STOX1: variants seen among roughly 807,000 people sequenced by gnomAD.
The protein encoded by STOX1 is storkhead box 1, also known as storkhead-box protein 1.
In STOX1, 57 loss-of-function variants were observed where a neutral mutation model predicts 74.8. The observed-to-expected ratio is 0.76, with a 90% CI of 0.62 to 0.95. The LOEUF (loss-of-function observed/expected upper bound fraction) is 0.95. Ranked by LOEUF, STOX1 falls within the 40% of genes least tolerant of loss-of-function variation. The pLI, the probability that STOX1 is intolerant of heterozygous loss-of-function variation, is 0.00. For missense variants in STOX1, 1,010 were observed against 1,117.0 expected (o/e 0.90, Z 1.37); for synonymous variants, 375 against 401.3 (o/e 0.93, Z 0.78).
intron 1 of STOX1, among the ~76,000 whole-genome samples, chr10:68,852,549 C>T (rs190466848): frequency 8.6e-5 from 13 of 151,616 alleles, no homozygotes; most frequent in African/African-American, 2.2e-4. Flanking sequence ...TGAGCCACCG[C>T]GCCTGGCCCT....
At chr10:68,869,635 A>C (rs1840491434) in intron 1 of STOX1, among the ~76,000 whole-genome samples, 1 of 152,168 alleles carries the variant, frequency 6.6e-6, no homozygotes. Flanking sequence ...GAATGGAGGG[A>C]AGTCACAGCT....
At chr10:68,832,877 C>T (rs1589213418) in intron 1 of STOX1, among the ~76,000 whole-genome samples, 1 of 151,936 alleles carries the variant, frequency 6.6e-6, no homozygotes, top group African/African-American at 2.4e-5. Context: ...GATCGTCCTA[C>T]CTCAGCCTCT....
At chr10:68,894,749 A>C (rs1329163205), downstream of STOX1, among the ~76,000 whole-genome samples, 6 of 152,162 alleles carry the variant, frequency 3.9e-5, no homozygotes, top group Admixed American at 1.3e-4. Flanking sequence ...AATTTTTTTG[A>C]GACGGGGTCT....
At chr10:68,834,004 C>CT (rs1839478959) in intron 1 of STOX1, among the ~76,000 whole-genome samples, 1 of 152,176 alleles carries the variant, frequency 6.6e-6, no homozygotes, top group South Asian at 2.1e-4. Context: ...ACACAATCTT[C>CT]TCCATCCCAC....
intron 1 of STOX1, among the ~76,000 whole-genome samples, chr10:68,865,649 G>A (rs754056875): frequency 1.4e-4 from 21 of 151,956 alleles, no homozygotes; most frequent in South Asian, 1.0e-3. Context: ...ACTCCATCTC[G>A]AAACAAAAAA....
At chr10:68,841,296 G>C (rs2133507098) in intron 1 of STOX1, among the ~76,000 whole-genome samples, 2 of 152,090 alleles carry the variant, frequency 1.3e-5, no homozygotes, top group Middle Eastern at 6.8e-3. Flanking sequence ...ATTTTAATTT[G>C]AGTTTCACTT....
intron 1 of STOX1, among the ~76,000 whole-genome samples, chr10:68,879,723 A>G (rs529744832): frequency 6.6e-6 from 1 of 152,286 alleles, no homozygotes; most frequent in African/African-American, 2.4e-5. Context: ...GTGGTTTCCA[A>G]CTGGGATGAC....
At chr10:68,881,439 A>G (rs1453980833) in intron 1 of STOX1, among the ~76,000 whole-genome samples, 1 of 152,248 alleles carries the variant, frequency 6.6e-6, no homozygotes, top group East Asian at 1.9e-4. Flanking sequence ...CATCCCAATC[A>G]GGAAAATGTG....
intron 1 of STOX1, among the ~76,000 whole-genome samples, chr10:68,880,623 G>A (rs1738106033): frequency 6.6e-6 from 1 of 150,634 alleles, no homozygotes; most frequent in South Asian, 2.1e-4. Flanking sequence ...CTTTTGGTAT[G>A]TGCCAAGAGG....
At chr10:68,834,974 T>C (rs1322010055) in intron 1 of STOX1, among the ~76,000 whole-genome samples, 2 of 152,112 alleles carry the variant, frequency 1.3e-5, no homozygotes, top group African/African-American at 4.8e-5. Flanking sequence ...TCCATCTGCG[T>C]TGGCCTCCCA....
chr10:68,888,802 ATTTTTTTTTTT>A (rs35174437), intron 3 of STOX1, among the ~76,000 whole-genome samples: 74 of 32,062 alleles, frequency 2.3e-3, no homozygotes, highest in South Asian at 0.012. Flanking sequence ...TGCCCAGCTA[ATTTTTTTTTTT>A]TTTTTTTTTT....
At chr10:68,833,132 C>T (rs1001486932) in intron 1 of STOX1, among the ~76,000 whole-genome samples, 2 of 140,702 alleles carry the variant, frequency 1.4e-5, no homozygotes, top group African/African-American at 5.4e-5. Context: ...GTCGCCCAGG[C>T]TGGAGTGCAG....
chr10:68,884,460 G>T lies in STOX1; in HGVS notation c.664G>T (p.Val222Leu). 2 of 1,613,844 alleles carry T rather than the reference G, an allele frequency of 1.2e-6. No homozygotes were observed. The highest frequency in any genetic ancestry group is 1.7e-6 in the Non-Finnish European group (2 of 1,180,020). Residue 222 changes from valine to leucine, a missense_variant, in exon 3 of 4, where the codon GTG becomes TTG. Transcript: ENST00000298596. ...GATGCCAGCTTCCATGACATATCTG[G>T]TGAGCATGGAGAGCTGTGCAGAGTC... is the stretch of plus-strand genomic sequence containing the variant. ...RLMPASMTYL[V>L]SMESCAESAQ...
Position 68,885,469 on chromosome 10 carries a change from A to G in STOX1, c.1673A>G (p.Lys558Arg). 6.2e-7 allele frequency: 1 copy of G among 1,614,188 alleles called. No individual in the cohort carries two copies. Among genetic ancestry groups the G allele is most frequent in the Non-Finnish European group, 8.5e-7 (1 of 1,180,038 alleles). The change falls in exon 3 of 4, where the codon AAA (lysine) becomes AGA (arginine). Residue 558 changes from lysine (K) to arginine (R), a missense_variant. By Grantham distance (26) the Lys-to-Arg change is conservative. Transcript: ENST00000298596. ...KEPYAEQPND[K>R]MEAESIYIND... is the part of the protein sequence containing the mutation. The stretch of plus-strand genomic sequence containing the variant: ...CCATATGCTGAACAACCTAATGATA[A>G]AATGGAAGCAGAATCCATTTACATA...
At chr10:68,873,997 C>A (rs1840613343) in intron 1 of STOX1, among the ~76,000 whole-genome samples, 2 of 121,220 alleles carry the variant, frequency 1.6e-5, no homozygotes, top group South Asian at 5.5e-4. Context: ...AGAAAAATTG[C>A]AGATAGCTAG....
At chr10:68,875,184 C>G (rs1840645372) in intron 1 of STOX1, among the ~76,000 whole-genome samples, 1 of 152,234 alleles carries the variant, frequency 6.6e-6, no homozygotes, top group Non-Finnish European at 1.5e-5. Context: ...CCACATCCCT[C>G]GGCTTGTGAT....
intron 1 of STOX1, among the ~76,000 whole-genome samples, chr10:68,839,563 A>G (rs1451117685): frequency 2.0e-5 from 3 of 152,186 alleles, no homozygotes; most frequent in African/African-American, 7.2e-5. Flanking sequence ...ACAATAAAAA[A>G]CAAAGCTTGA....
chr10:68,880,398 T>C (rs975587297), intron 1 of STOX1, among the ~76,000 whole-genome samples: 9 of 152,126 alleles, frequency 5.9e-5, no homozygotes, highest in Non-Finnish European at 1.3e-4. Flanking sequence ...CTCAGGCTGA[T>C]CTGGAATTCC....
chr10:68,839,002 A>T (rs960258000), intron 1 of STOX1, among the ~76,000 whole-genome samples: 1 of 151,972 alleles, frequency 6.6e-6, no homozygotes, highest in Non-Finnish European at 1.5e-5. Flanking sequence ...GTTAAATAAG[A>T]TGTTAGCTGT....
Sources: gnomAD v4.1 joint callset for allele counts (sites outside exome capture counted in the v4.1 genomes callset) on GRCh38, gnomAD v4.1.1 for gene constraint, MANE v1.5 for transcripts, NCBI Gene and HGNC (gene_info 2026-07-23, HGNC 2026-07-21) for gene names.